Variants in CKAP5 observed in about 807,000 individuals in gnomAD.
The protein encoded by CKAP5 is cytoskeleton-associated protein 5.
A neutral mutation model predicts 232.8 loss-of-function variants in CKAP5; 27 were observed. That is an observed-to-expected ratio of 0.12 (90% CI 0.09 to 0.16). CKAP5 has a LOEUF of 0.16. CKAP5 is among the 10% of genes least tolerant of loss of function. The pLI, the probability that CKAP5 is intolerant of heterozygous loss-of-function variation, is 1.00. For missense variants in CKAP5, 1,838 were observed against 2,424.7 expected (o/e 0.76, Z 5.08); for synonymous variants, 785 against 841.1 (o/e 0.93, Z 1.16).
At chr11:46,801,669 CAAA>C (rs1005015545) in intron 8 of CKAP5, among the ~76,000 whole-genome samples, 1 of 136,106 alleles carries the variant, frequency 7.3e-6, no homozygotes, top group Admixed American at 7.4e-5. Flanking sequence ...GACTCCATCT[CAAA>C]AAAAAAAAAG....
At chr11:46,829,511 A>G (rs1939727712) in intron 1 of CKAP5, among the ~76,000 whole-genome samples, 1 of 152,156 alleles carries the variant, frequency 6.6e-6, no homozygotes, top group Admixed American at 6.5e-5. Flanking sequence ...CTCCACCCTG[A>G]ACGATGGAGC....
At chr11:46,836,216 C>G (rs978352638) in intron 1 of CKAP5, among the ~76,000 whole-genome samples, 5 of 152,148 alleles carry the variant, frequency 3.3e-5, no homozygotes, top group Non-Finnish European at 7.4e-5. Flanking sequence ...CAAACAGAAT[C>G]TGGAGTTTGT....
chr11:46,794,014 G>C (rs952252656), intron 13 of CKAP5, among the ~76,000 whole-genome samples: 9 of 152,184 alleles, frequency 5.9e-5, no homozygotes, highest in African/African-American at 2.2e-4. Flanking sequence ...ATGGGGAAAG[G>C]ACAGTCTATT....
chr11:46,763,655 G>C, intron 28 of CKAP5, 25 bp from the exon 29 acceptor site: 2 of 1,480,206 alleles, frequency 1.4e-6, no homozygotes, highest in Non-Finnish European at 1.8e-6. Context: ...CGGTGAAAAG[G>C]GGCTACAGGG....
intron 38 of CKAP5, among the ~76,000 whole-genome samples, chr11:46,752,219 C>CAA (rs66670580): frequency 1.2e-5 from 1 of 86,242 alleles, no homozygotes; most frequent in South Asian, 5.4e-4. Flanking sequence ...CACACACACA[C>CAA]ACACACACAC....
chr11:46,827,009 C>T (rs970337411), intron 1 of CKAP5, among the ~76,000 whole-genome samples: 2 of 152,174 alleles, frequency 1.3e-5, no homozygotes, highest in African/African-American at 4.8e-5. Flanking sequence ...AGGCCTCAGG[C>T]GCTGCTTCTA....
At chr11:46,757,126 A>G (rs1201700551) in intron 35 of CKAP5, among the ~76,000 whole-genome samples, 3 of 152,022 alleles carry the variant, frequency 2.0e-5, no homozygotes, top group African/African-American at 4.8e-5. Context: ...CCCATGATTC[A>G]GGTTATGCAA....
rs577755209 is a variant in CKAP5, at chr11:46,832,969, A to T, written c.-37-11701T>A. On this transcript the variant is annotated intron_variant, in intron 1 of 43. Transcript: ENST00000529230. ...AAGAGTTTATCTCAAAAAAAAAAAAATTTTTTTTCCCACAAATATTCACAT... is the reference window on the plus strand; with the variant it reads ...AAGAGTTTATCTCAAAAAAAAAAAATTTTTTTTTCCCACAAATATTCACAT... 6.4e-4 allele frequency among the ~76,000 whole-genome samples: 96 copies of T among 151,076 alleles called. 1 individual carries two copies. Among genetic ancestry groups the T allele is most frequent in the South Asian group, 1.9e-3 (9 of 4,776 alleles).
At chr11:46,767,426 T>G in intron 27 of CKAP5, 149 bp downstream of exon 27, 1 of 505,422 alleles carries the variant, frequency 2.0e-6, no homozygotes, top group Non-Finnish European at 3.4e-6. Flanking sequence ...TTATTAAAAA[T>G]GAACCACAGA....
chr11:46,771,286 A>C (rs887023396), intron 24 of CKAP5, among the ~76,000 whole-genome samples: 9 of 152,236 alleles, frequency 5.9e-5, no homozygotes, highest in Admixed American at 1.3e-4. Flanking sequence ...TAGTTCTGAA[A>C]AATATTTAGC....
chr11:46,776,379 T>C lies in CKAP5; in HGVS notation c.2867A>G (p.Asn956Ser), dbSNP rs759826047. Residue 956 changes from asparagine (N) to serine (S), a missense_variant, in exon 24 of 44, where the codon AAT (asparagine) becomes AGT (serine). Asn to Ser is a conservative substitution (Grantham distance 46). Around this residue, in one of 6 missense-constraint regions of CKAP5, gnomAD observed 767 missense variants for 954.6 expected, o/e 0.80. Transcript: ENST00000529230. ...AGTCGCTAGGGCAGCAGCTCGAACA[T>C]TGTTCTAAATGGAGAAGATAATCAG... The part of the protein sequence containing the change: ...IITVLGDSKN[N>S]VRAAALATVN... The C allele has an allele frequency of 1.9e-5, 30 of 1,608,450 alleles. No homozygotes were observed. Among genetic ancestry groups the C allele is most frequent in the South Asian group, 1.7e-4 (15 of 90,364 alleles).
At position 46,778,466 on chromosome 11, in the gene CKAP5, T is replaced by G. The variant is rs546629385; in HGVS notation, c.2567A>C (p.Glu856Ala). 2 of 1,614,176 alleles carry G rather than the reference T, an allele frequency of 1.2e-6. No homozygotes were observed. Among genetic ancestry groups the G allele is most frequent in the East Asian group, 4.5e-5 (2 of 44,876 alleles). ...TTCACAGACTGGAACCTACCTGATC[T>G]CCGTCCTCGGCAAAAGATCAACGAC... ...NDVVDLLPRT[E>A]ISDKITSELV... The change falls in exon 21 of 44, where the codon GAG becomes GCG. Residue 856 changes from glutamate (E) to alanine (A), a missense_variant. Physicochemically the swap from Glu to Ala is moderately radical, Grantham distance 107. This residue lies in a region of CKAP5 where 767 missense variants were observed against 954.6 expected (regional missense o/e 0.80). Transcript: ENST00000529230.
chr11:46,785,428 C>T (rs1488465352), intron 16 of CKAP5, among the ~76,000 whole-genome samples: 1 of 152,106 alleles, frequency 6.6e-6, no homozygotes, highest in South Asian at 2.1e-4. Flanking sequence ...TGGGTTCAAG[C>T]GATTCTCATG....
chr11:46,845,069 AG>A (rs746940178), intron 1 of CKAP5, among the ~76,000 whole-genome samples: 1 of 152,244 alleles, frequency 6.6e-6, no homozygotes, highest in Non-Finnish European at 1.5e-5. Flanking sequence ...AAAGCATTAC[AG>A]TTTGTCCAGT....
chr11:46,796,762 A>C lies in CKAP5; in HGVS notation c.1467+50T>G, dbSNP rs762417444. 6 of 1,603,514 alleles carry C rather than the reference A, an allele frequency of 3.7e-6. No individual in the cohort carries two copies. The East Asian group carries it at 6.7e-5, about 18-fold the overall frequency. On this transcript the variant is annotated intron_variant, in intron 12 of 43. Coordinates refer to ENST00000529230, the MANE Select transcript of CKAP5 (RefSeq NM_001008938.4). ...CTGTCAAGAGACAAAGCCATGATGC[A>C]AAGAGACAGGAATGTTGTCCAATTT...
chr11:46,792,816 G>T (rs1938772705), intron 13 of CKAP5, among the ~76,000 whole-genome samples: 1 of 152,142 alleles, frequency 6.6e-6, no homozygotes, highest in Non-Finnish European at 1.5e-5. Context: ...AGAAAATCTG[G>T]ACACATCTTT....
chr11:46,808,714 G>A (rs1016375205), intron 7 of CKAP5, among the ~76,000 whole-genome samples: 5 of 152,114 alleles, frequency 3.3e-5, no homozygotes, highest in Admixed American at 6.5e-5. Flanking sequence ...CTAGGCAAAC[G>A]TTAGTAAGCA....
At position 46,778,234 on chromosome 11, in the gene CKAP5, C is replaced by T. The variant is rs1218078798; in HGVS notation, c.2653G>A (p.Ala885Thr). 7 of 1,613,622 alleles carry T rather than the reference C, an allele frequency of 4.3e-6. No individual in the cohort carries two copies. Among genetic ancestry groups the T allele is most frequent in the African/African-American group, 4.0e-5 (3 of 74,914 alleles). ...KIRKEGLDEV[A>T]GIINDAKFIQ... ...AATTTTGCGTCATTAATAATACCTG[C>T]CACTTCATCTAGGCCTTCTTTCCTA... The change falls in exon 22 of 44, where the codon GCA (alanine) becomes ACA (threonine). Residue 885 changes from alanine (A) to threonine (T), a missense_variant. Physicochemically the swap from Ala to Thr is moderately conservative, Grantham distance 58 (BLOSUM62 0). Around this residue, in one of 6 missense-constraint regions of CKAP5, gnomAD observed 767 missense variants for 954.6 expected, o/e 0.80. Coordinates refer to ENST00000529230, the MANE Select transcript of CKAP5 (RefSeq NM_001008938.4).
intron 42 of CKAP5, among the ~76,000 whole-genome samples, chr11:46,746,500 A>G (rs1265193826): frequency 1.3e-5 from 2 of 152,248 alleles, no homozygotes; most frequent in Non-Finnish European, 2.9e-5. Context: ...TAGTTGGTAT[A>G]ACCTGCCACA....
Sources: gnomAD v4.1 joint callset for allele counts (sites outside exome capture counted in the v4.1 genomes callset) on GRCh38, gnomAD v4.1.1 for gene constraint, gnomAD v4.1.1 regional missense constraint, MANE v1.5 for transcripts, NCBI Gene and HGNC (gene_info 2026-07-23, HGNC 2026-07-21) for gene names.